CCDC91: variants seen among roughly 807,000 people sequenced by gnomAD.
CCDC91 encodes the protein coiled-coil domain containing 91.
Under a neutral mutation model 63.2 loss-of-function variants are expected in CCDC91, and 48 were observed. The ratio of observed to expected loss-of-function variants is 0.76; its 90% CI spans 0.60 to 0.97. CCDC91 has a LOEUF of 0.97. CCDC91 is among the 50% of genes least tolerant of loss of function. The pLI is 0.00. For missense variants in CCDC91, 500 were observed against 494.6 expected (o/e 1.01, Z -0.10); for synonymous variants, 167 against 165.8 (o/e 1.01, Z -0.06).
intron 6 of CCDC91, among the ~76,000 whole-genome samples, chr12:28,325,568 A>G (rs1940912968): frequency 6.6e-6 from 1 of 151,316 alleles, no homozygotes; most frequent in Non-Finnish European, 1.5e-5. Context: ...CATTGTGAGT[A>G]TTGGAGTAGA....
intron 12 of CCDC91, among the ~76,000 whole-genome samples, chr12:28,539,049 C>T (rs1482699552): frequency 6.6e-6 from 1 of 152,186 alleles, no homozygotes; most frequent in African/African-American, 2.4e-5. Flanking sequence ...TTCTCCCATT[C>T]TGTAGGTTGC....
Position 28,450,421 on chromosome 12 carries a change from AT to A in CCDC91, c.924+6del. ...AGGCATTAGTATCCGCTGCAAAGGT[AT>A]TTCCATCTGTAATAGTGGGTTGCTT... On this transcript the variant is annotated splice_donor_region_variant and intron_variant, in intron 10 of 12. Coordinates refer to ENST00000536442, the MANE Select transcript of CCDC91 (RefSeq NM_018318.5). 3.7e-6 allele frequency: 6 copies of A among 1,607,434 alleles called. No homozygotes were observed. The highest frequency in any genetic ancestry group is 5.1e-6 in the Non-Finnish European group (6 of 1,174,326).
chr12:28,409,312 T>C (rs912173684), intron 8 of CCDC91, among the ~76,000 whole-genome samples: 13 of 152,174 alleles, frequency 8.5e-5, no homozygotes, highest in African/African-American at 3.1e-4. Context: ...AACAAATGTA[T>C]ATACCTGTTT....
intron 12 of CCDC91, among the ~76,000 whole-genome samples, chr12:28,544,607 GACAC>G (rs374774438): frequency 1.0e-3 from 152 of 151,394 alleles, no homozygotes; most frequent in African/African-American, 3.3e-3. Context: ...ATGTGTATTT[GACAC>G]ACACACACAC....
In CCDC91 at chr12:28,452,605, T is replaced by TA; in HGVS notation, c.1053dup (p.Ser352IlefsTer20). ...GAACATGCAAAAGATCAAGAAAAAG[T>TA]ATCTCAGGAAATTCAAAAAGCTATA... On this transcript the variant is annotated frameshift_variant, in exon 11 of 13. Transcript: ENST00000536442. LOFTEE classifies it high-confidence loss of function. The TA allele has an allele frequency of 6.3e-7, 1 of 1,578,100 alleles. No individual in the cohort carries two copies. The highest frequency in any genetic ancestry group is 8.6e-7 in the Non-Finnish European group (1 of 1,163,314).
At chr12:28,523,638 G>A (rs1940964056) in intron 12 of CCDC91, among the ~76,000 whole-genome samples, 1 of 152,064 alleles carries the variant, frequency 6.6e-6, no homozygotes, top group Admixed American at 6.6e-5. Context: ...TGGTTATTTT[G>A]CTTGTTAGTT....
chr12:28,326,740 T>TA (rs975996827), intron 6 of CCDC91, among the ~76,000 whole-genome samples: 5 of 152,026 alleles, frequency 3.3e-5, no homozygotes, highest in African/African-American at 1.2e-4. Flanking sequence ...CAGCTAATTT[T>TA]AAAAAAAGAA....
At chr12:28,250,511 A>G (rs182851811) in intron 1 of CCDC91, among the ~76,000 whole-genome samples, 1 of 152,252 alleles carries the variant, frequency 6.6e-6, no homozygotes, top group East Asian at 1.9e-4. Flanking sequence ...GAGAATATAA[A>G]GTAGCAATGT....
intron 8 of CCDC91, among the ~76,000 whole-genome samples, chr12:28,411,196 T>A (rs1947295666): frequency 6.6e-6 from 1 of 152,162 alleles, no homozygotes; most frequent in African/African-American, 2.4e-5. Context: ...AAGAAATAGT[T>A]CACTCAGACA....
chr12:28,309,868 G>A (rs1475974972), intron 6 of CCDC91, among the ~76,000 whole-genome samples: 1 of 151,868 alleles, frequency 6.6e-6, no homozygotes. Context: ...CTTTGTACTT[G>A]CTCAGCATCC....
chr12:28,194,900 G>A (rs1459081622), intron 1 of CCDC91, among the ~76,000 whole-genome samples: 4 of 152,216 alleles, frequency 2.6e-5, no homozygotes, highest in Non-Finnish European at 1.5e-5. Context: ...GGCTTCAGGA[G>A]TGAAGCTGCA....
chr12:28,436,362 G>T (rs916685361), intron 8 of CCDC91, among the ~76,000 whole-genome samples: 18 of 151,560 alleles, frequency 1.2e-4, no homozygotes, highest in Admixed American at 3.3e-4. Flanking sequence ...TTCACAGATA[G>T]TGTTAATCCT....
chr12:28,354,034 CT>C (rs1943360825), intron 6 of CCDC91, among the ~76,000 whole-genome samples: 1 of 152,124 alleles, frequency 6.6e-6, no homozygotes. Flanking sequence ...ATGTGTACCC[CT>C]GAACTTAAAA....
intron 1 of CCDC91, among the ~76,000 whole-genome samples, chr12:28,194,382 A>G (rs780026544): frequency 6.6e-6 from 1 of 152,268 alleles, no homozygotes; most frequent in East Asian, 1.9e-4. Context: ...GACCTCAAGA[A>G]TGAAGGCACG....
intron 8 of CCDC91, among the ~76,000 whole-genome samples, chr12:28,434,247 TG>T: frequency 6.6e-6 from 1 of 151,808 alleles, no homozygotes; most frequent in East Asian, 1.9e-4. Context: ...GTAGATTTTT[TG>T]TAGATGTTCT....
intron 11 of CCDC91, among the ~76,000 whole-genome samples, chr12:28,463,098 CT>C (rs1393087418): frequency 6.6e-6 from 1 of 152,144 alleles, no homozygotes; most frequent in Non-Finnish European, 1.5e-5. Flanking sequence ...ATGAATGAGA[CT>C]TTCTCATTGT....
In CCDC91 at chr12:28,383,848, C is replaced by T. The variant is rs1257151459; in HGVS notation, c.655-7456C>T. 1.3e-5 allele frequency among the ~76,000 whole-genome samples: 2 copies of T among 152,014 alleles called. 1 individual carries two copies. The highest frequency in any genetic ancestry group is 4.8e-5 in the African/African-American group (2 of 41,388). On this transcript the variant is annotated intron_variant, in intron 7 of 12. Transcript: ENST00000536442. ...TTTCTCCTCTAATACAACCATGTAC[C>T]TCAGAGATTATTGGTTCACTGATCT...
At chr12:28,398,171 T>A (rs1175552243) in intron 8 of CCDC91, among the ~76,000 whole-genome samples, 2 of 152,174 alleles carry the variant, frequency 1.3e-5, no homozygotes, top group African/African-American at 4.8e-5. Context: ...TCTTATCCTT[T>A]ATAATTACCT....
chr12:28,478,372 A>T (rs1294600837), intron 11 of CCDC91, among the ~76,000 whole-genome samples: 6 of 152,102 alleles, frequency 3.9e-5, no homozygotes, highest in Admixed American at 6.6e-5. Flanking sequence ...AAGGATTCCC[A>T]GTTTAACAAG....
Sources: allele counts gnomAD v4.1 joint callset (sites outside exome capture counted in the v4.1 genomes callset), GRCh38; gene constraint gnomAD v4.1.1; transcripts MANE v1.5; gene names NCBI Gene and HGNC (gene_info 2026-07-23, HGNC 2026-07-21).